DDAH1: variants seen among roughly 807,000 people sequenced by gnomAD.
DDAH1 encodes dimethylarginine dimethylaminohydrolase 1, also known as N(G),N(G)-dimethylarginine dimethylaminohydrolase 1.
Under a neutral mutation model 28.8 loss-of-function variants are expected in DDAH1, and 19 were observed. The ratio of observed to expected loss-of-function variants is 0.66; its 90% confidence interval spans 0.46 to 0.97. The LOEUF (loss-of-function observed/expected upper bound fraction) is 0.97, where lower values mean the gene tolerates loss of function less well. Among genes scored for constraint, DDAH1 ranks in the 50% least tolerant of loss-of-function variants. The probability of loss-of-function intolerance (pLI) is 0.00; values close to 1 mark genes in which losing one functional copy is unlikely to be tolerated. For synonymous variants in DDAH1, 153 were observed against 154.4 expected, an observed-to-expected ratio of 0.99 and a Z score of 0.07; for missense variants, 326 against 375.9, an observed-to-expected ratio of 0.87 and a Z score of 1.10.
chr1:85,449,840 A>G (rs1654586883), intron 1 of DDAH1, among the ~76,000 whole-genome samples: 1 of 152,086 alleles, frequency 6.6e-6, no homozygotes, highest in South Asian at 2.1e-4. Flanking sequence ...TTTGTACTGG[A>G]GAGAGAGGTA....
Position 85,368,241 on chromosome 1 carries a change from A to G in DDAH1, c.304-9394T>C, listed in dbSNP as rs532401612. On this transcript the variant is annotated intron_variant, in intron 1 of 5. Transcript: ENST00000284031. ...TCAGAGCTGGAATTAATATTTCAAC[A>G]CTCTTCATCTCTGAACCAGTGCTCA... Among the ~76,000 whole-genome samples the G allele has an allele frequency of 1.6e-4, 24 of 152,166 alleles. No individual in the cohort carries two copies. In the South Asian group the frequency reaches 5.0e-3, roughly 32 times the overall value.
At position 85,321,421 on chromosome 1, in the gene DDAH1, T is replaced by C; in HGVS notation, c.*31A>G. The C allele has an allele frequency of 6.8e-7, 1 of 1,465,138 alleles. No homozygotes were observed. The highest frequency in any genetic ancestry group is 1.7e-5 in the Admixed American group (1 of 59,822). 90.8% of individuals were successfully genotyped at this position (1,465,138 alleles called of 1,614,324 possible). On this transcript the variant is annotated 3_prime_UTR_variant, in exon 6 of 6. Transcript: ENST00000284031. ...AGAGTCATCGGCCTTGCCTGTGCGG[T>C]CTTGCCGGCTACCGGGGGGGACTCT... is the stretch of plus-strand genomic sequence containing the variant.
chr1:85,505,563 T>C (rs1656985030), intron 1 of DDAH1, among the ~76,000 whole-genome samples: 1 of 152,202 alleles, frequency 6.6e-6, no homozygotes, highest in Non-Finnish European at 1.5e-5. Flanking sequence ...TTTGATTCAG[T>C]GCACACCCCA....
At chr1:85,558,612 T>C (rs1236504346) in intron 1 of DDAH1, among the ~76,000 whole-genome samples, 1 of 152,218 alleles carries the variant, frequency 6.6e-6, no homozygotes, top group Non-Finnish European at 1.5e-5. Flanking sequence ...TTTCATGTTC[T>C]GAGTAAAGCC....
chr1:85,448,469 C>T (rs907395932), intron 1 of DDAH1, among the ~76,000 whole-genome samples: 6 of 152,146 alleles, frequency 3.9e-5, no homozygotes, highest in Non-Finnish European at 8.8e-5. Flanking sequence ...TGTACCACCC[C>T]CCTTTGTTTA....
chr1:85,357,934 T>C (rs1007363818), intron 2 of DDAH1, among the ~76,000 whole-genome samples: 2 of 152,234 alleles, frequency 1.3e-5, no homozygotes, highest in African/African-American at 2.4e-5. Context: ...ATAATAATAT[T>C]AGCTGTTCAT....
chr1:85,455,345 C>A (rs1654839279), intron 1 of DDAH1, among the ~76,000 whole-genome samples: 1 of 152,168 alleles, frequency 6.6e-6, no homozygotes, highest in South Asian at 2.1e-4. Context: ...CTTTTTCAAT[C>A]ATTTCAGGCT....
At chr1:85,326,653 C>T (rs1647414831) in intron 4 of DDAH1, among the ~76,000 whole-genome samples, 2 of 152,356 alleles carry the variant, frequency 1.3e-5, no homozygotes, top group Admixed American at 6.5e-5. Flanking sequence ...ATTATTCATT[C>T]TCTGGCAGTA....
intron 1 of DDAH1, among the ~76,000 whole-genome samples, chr1:85,564,443 A>C (rs1161986271): frequency 1.3e-5 from 2 of 152,200 alleles, no homozygotes; most frequent in Non-Finnish European, 2.9e-5. Context: ...TGAGGCCAAA[A>C]CACATTTGAA....
chr1:85,544,979 T>C (rs964367607), intron 1 of DDAH1, among the ~76,000 whole-genome samples: 1 of 152,146 alleles, frequency 6.6e-6, no homozygotes, highest in African/African-American at 2.4e-5. Flanking sequence ...CATGTTTATT[T>C]AAAAGTGGGG....
intron 1 of DDAH1, among the ~76,000 whole-genome samples, chr1:85,526,405 C>T (rs1226876227): frequency 2.6e-5 from 4 of 152,142 alleles, no homozygotes; most frequent in Admixed American, 6.5e-5. Context: ...ATATAGAGCA[C>T]CTCTAATTTG....
At chr1:85,496,780 AGC>A (rs1656609582) in intron 1 of DDAH1, among the ~76,000 whole-genome samples, 1 of 152,180 alleles carries the variant, frequency 6.6e-6, no homozygotes, top group Admixed American at 6.5e-5. Flanking sequence ...CTACACAAAT[AGC>A]AATTTCATAT....
At chr1:85,573,027 G>T (rs759961597) in intron 1 of DDAH1, among the ~76,000 whole-genome samples, 7 of 152,224 alleles carry the variant, frequency 4.6e-5, no homozygotes, top group Non-Finnish European at 8.8e-5. Context: ...CTCATTCTAT[G>T]TTAATTGCAG....
chr1:85,512,983 A>C (rs1360854882), intron 1 of DDAH1, among the ~76,000 whole-genome samples: 1 of 152,232 alleles, frequency 6.6e-6, no homozygotes, highest in Non-Finnish European at 1.5e-5. Context: ...CTTTCTTCAC[A>C]GAATTGGAAA....
intron 1 of DDAH1, among the ~76,000 whole-genome samples, chr1:85,387,883 G>A (rs1301119502): frequency 6.6e-6 from 1 of 152,188 alleles, no homozygotes; most frequent in Non-Finnish European, 1.5e-5. Context: ...AGGGCCTCAG[G>A]CTGCTTCCAC....
At position 85,464,499 on chromosome 1, in the gene DDAH1, C is replaced by A; in HGVS notation, c.303+244G>T. On this transcript the variant is annotated intron_variant, in intron 1 of 5. Transcript: ENST00000284031. The surrounding 1 kb of genome is among the most constrained non-coding windows in gnomAD (Gnocchi z 4.4). ...ACGGAATCCCCCGCCCACCCACCTGCCCGAGACCGTACAACCACATTGAAT... is the reference window on the plus strand; with the variant it reads ...ACGGAATCCCCCGCCCACCCACCTGACCGAGACCGTACAACCACATTGAAT... The A allele has an allele frequency of 6.6e-7, 1 of 1,525,934 alleles. No homozygotes were observed. 94.5% of individuals were successfully genotyped at this position (1,525,934 alleles called of 1,614,324 possible). A position where few individuals can be genotyped will look rare whatever the true frequency, so the allele number is the denominator to read the frequency against.
chr1:85,568,189 T>C (rs1440923007), intron 1 of DDAH1, among the ~76,000 whole-genome samples: 14 of 152,242 alleles, frequency 9.2e-5, no homozygotes, highest in Admixed American at 8.5e-4. Context: ...GGGAAATTTA[T>C]AGCATTAAGT....
rs138230800 is a variant in DDAH1, at chr1:85,396,151, A to G, written c.304-37304T>C. Among the ~76,000 whole-genome samples the G allele has an allele frequency of 9.3e-4, 141 of 152,278 alleles. 1 individual carries two copies. The highest frequency in any genetic ancestry group is 3.4e-3 in the Middle Eastern group (1 of 294). ...GATCAAAAATGTGATCCTATTTTTG[A>G]TCAAGTGTTTGAATCTTTTTGACAA... is the stretch of plus-strand genomic sequence containing the variant. On this transcript the variant is annotated intron_variant, in intron 1 of 5. Coordinates refer to ENST00000284031, the MANE Select transcript of DDAH1 (RefSeq NM_012137.4).
chr1:85,394,118 C>T (rs1651692182), intron 1 of DDAH1, among the ~76,000 whole-genome samples: 1 of 152,270 alleles, frequency 6.6e-6, no homozygotes, highest in South Asian at 2.1e-4. Context: ...TGTGTGTCTG[C>T]ACCAAAATTC....
Sources: allele counts gnomAD v4.1 joint callset (sites outside exome capture counted in the v4.1 genomes callset), GRCh38; gene constraint gnomAD v4.1.1; non-coding constraint Gnocchi (gnomAD v3.1); transcripts MANE v1.5; gene names NCBI Gene and HGNC (gene_info 2026-07-23, HGNC 2026-07-21).